The following TNRC18 variants were observed in gnomAD, a reference collection of about 807,000 sequenced individuals.
The protein encoded by TNRC18 is trinucleotide repeat-containing gene 18 protein.
TNRC18 carries 69 observed loss-of-function variants against 226.7 expected under a neutral mutation model. The ratio of observed to expected loss-of-function variants is 0.30; its 90% confidence interval spans 0.25 to 0.37. The LOEUF is 0.37. TNRC18 is among the 10% of genes least tolerant of loss of function. TNRC18 has a pLI of 1.00. For missense variants in TNRC18, 4,754 were observed against 4,256.6 expected, an observed-to-expected ratio of 1.12 and a Z score of -3.25; for synonymous variants, 2,449 against 1,927.6, an observed-to-expected ratio of 1.27 and a Z score of -7.09.
At chr7:5,367,130 T>C (rs539110465) in intron 11 of TNRC18, among the ~76,000 whole-genome samples, 2 of 152,142 alleles carry the variant, frequency 1.3e-5, no homozygotes, top group South Asian at 4.2e-4. Flanking sequence ...TTTGGGAGGC[T>C]GAGGCGGGCG....
intron 18 of TNRC18, among the ~76,000 whole-genome samples, chr7:5,338,030 G>T (rs1345942808): frequency 6.6e-6 from 1 of 152,026 alleles, no homozygotes; most frequent in African/African-American, 2.4e-5. Context: ...GTCTTTAGGG[G>T]TTGATACCAT....
intron 17 of TNRC18, among the ~76,000 whole-genome samples, chr7:5,348,297 C>A (rs753016533): frequency 2.0e-5 from 3 of 152,180 alleles, no homozygotes; most frequent in Non-Finnish European, 2.9e-5. Context: ...ATCTGCCTCA[C>A]GGACCAGAGT....
At position 5,377,538 on chromosome 7, in the gene TNRC18, G is replaced by A. The variant is rs750290851; in HGVS notation, c.2294C>T (p.Pro765Leu). Residue 765 changes from proline to leucine, a missense_variant, in exon 7 of 30, where the codon CCT becomes CTT. Coordinates refer to ENST00000430969, the MANE Select transcript of TNRC18 (RefSeq NM_001080495.3). The surrounding 1 kb of genome is among the most constrained non-coding windows in gnomAD (Gnocchi z 5.8). Reference protein sequence around the residue: ...KELADLARLHPTSCAPNGLNP... With the variant: ...KELADLARLHLTSCAPNGLNP... ...CAGGCCGTTAGGAGCACAGCTGGTA[G>A]GGTGCAGGCGGGCCAGGTCAGCCAG... 6.3e-7 allele frequency: 1 copy of A among 1,589,954 alleles called. No homozygotes were observed. Among genetic ancestry groups the A allele is most frequent in the Non-Finnish European group, 8.6e-7 (1 of 1,168,756 alleles).
chr7:5,356,466 A>C (rs1459871101), intron 16 of TNRC18, among the ~76,000 whole-genome samples: 4 of 152,256 alleles, frequency 2.6e-5, no homozygotes, highest in African/African-American at 9.6e-5. Flanking sequence ...CGTGGTCCGC[A>C]ACAGACGGCA....
chr7:5,327,175 A>T (rs1173725201), intron 19 of TNRC18, among the ~76,000 whole-genome samples: 1 of 152,198 alleles, frequency 6.6e-6, no homozygotes, highest in Non-Finnish European at 1.5e-5. Context: ...AGGCCAGGAG[A>T]GGTAGAAAAG....
intron 5 of TNRC18, among the ~76,000 whole-genome samples, chr7:5,387,076 AAAAT>A (rs775323275): frequency 3.0e-4 from 45 of 152,224 alleles, no homozygotes; most frequent in Non-Finnish European, 5.3e-4. Flanking sequence ...CTCCGTTTCA[AAAAT>A]AAATAAATAA....
chr7:5,316,421 A>T (rs1162076044), intron 24 of TNRC18, among the ~76,000 whole-genome samples: 1 of 151,906 alleles, frequency 6.6e-6, no homozygotes, highest in African/African-American at 2.4e-5. Context: ...CTGGGATTAC[A>T]GACATGCGCC....
chr7:5,314,964 T>C lies in TNRC18; in HGVS notation c.7027+20A>G, dbSNP rs1373721016. 1 of 1,599,306 alleles carries C rather than the reference T, an allele frequency of 6.3e-7. No homozygotes were observed. The highest frequency in any genetic ancestry group is 8.5e-7 in the Non-Finnish European group (1 of 1,174,402). ...AGGAGATCCGCCCACCGCCCTGCCC[T>C]GGGGACCAGGCCAACCTACCACCCT... On this transcript the variant is annotated intron_variant, in intron 26 of 29. Transcript: ENST00000430969.
chr7:5,330,700 G>A lies in TNRC18; in HGVS notation c.6147+1922C>T, dbSNP rs1439501415. On this transcript the variant is annotated intron_variant, in intron 19 of 29. Coordinates refer to ENST00000430969, the MANE Select transcript of TNRC18 (RefSeq NM_001080495.3). ...TTATTATTTTATTTTTGGAGACAGA[G>A]TCTCACTCTGTCGCCCAGGCTGGAG... Among the ~76,000 whole-genome samples the A allele has an allele frequency of 2.6e-5, 4 of 151,998 alleles. No homozygotes were observed. The East Asian group carries it at 7.8e-4, about 30-fold the overall frequency.
chr7:5,372,000 C>T (rs11974424), intron 10 of TNRC18, among the ~76,000 whole-genome samples: 6,188 of 152,194 alleles, frequency 0.041, 429 homozygotes, highest in African/African-American at 0.14. Flanking sequence ...TGGATTCCAA[C>T]GAATCTCCTG....
intron 19 of TNRC18, 62 bp downstream of exon 19, chr7:5,332,560 G>T: frequency 2.1e-6 from 3 of 1,447,614 alleles, no homozygotes; most frequent in Non-Finnish European, 2.7e-6. Flanking sequence ...AGGGGAGAGG[G>T]CCCCTCCCTC....
intron 2 of TNRC18, among the ~76,000 whole-genome samples, chr7:5,415,304 A>G (rs1584124610): frequency 6.7e-6 from 1 of 149,768 alleles, no homozygotes; most frequent in Admixed American, 6.6e-5. Context: ...GTGCTGATAC[A>G]GCCCCTCACC....
Position 5,315,113 on chromosome 7 carries a change from C to T in TNRC18, c.6898G>A (p.Ala2300Thr). ...CTGGTCTTCCGGCTGCGGCGCTTGG[C>T]ACTTGGCACCAGAAGGGCCGGGGAC... ...EPSPALLVPS[A>T]KRRSRKTSKD... Residue 2300 changes from alanine to threonine, a missense_variant, in exon 26 of 30, where the codon GCC becomes ACC. Ala to Thr is a moderately conservative substitution (Grantham distance 58). Coordinates refer to ENST00000430969, the MANE Select transcript of TNRC18 (RefSeq NM_001080495.3). The T allele has an allele frequency of 6.2e-7, 1 of 1,612,994 alleles. No individual in the cohort carries two copies.
intron 21 of TNRC18, among the ~76,000 whole-genome samples, chr7:5,323,859 C>T (rs1301768742): frequency 2.0e-5 from 3 of 152,278 alleles, no homozygotes; most frequent in African/African-American, 4.8e-5. Context: ...TGGGCCACCA[C>T]GCTCGGCCCA....
chr7:5,357,923 T>C (rs1217680576), intron 15 of TNRC18, among the ~76,000 whole-genome samples: 2 of 152,210 alleles, frequency 1.3e-5, no homozygotes. Flanking sequence ...GCTGGTGCTG[T>C]GGTTACACTG....
rs1181721569 is a variant in TNRC18, at chr7:5,359,392, A to C, written c.4833+6T>G. On this transcript the variant is annotated splice_donor_region_variant and intron_variant, in intron 15 of 29. Transcript: ENST00000430969. ...TCTCACACACCTGGAAGACTGGGTT[A>C]CTCACCTGACTGATGAAGTCCGACG... 6.2e-7 allele frequency: 1 copy of C among 1,613,762 alleles called. No homozygotes were observed. The highest frequency in any genetic ancestry group is 1.3e-5 in the African/African-American group (1 of 74,876).
chr7:5,407,227 G>A (rs928909216), intron 2 of TNRC18: 2 of 152,470 alleles, frequency 1.3e-5, no homozygotes, highest in East Asian at 1.9e-4. Context: ...CATCGGCGCA[G>A]AAAAGAGGCA....
chr7:5,353,977 C>A (rs192995283), intron 16 of TNRC18, among the ~76,000 whole-genome samples: 2 of 151,982 alleles, frequency 1.3e-5, no homozygotes, highest in African/African-American at 2.4e-5. Flanking sequence ...CCGAGGCAGG[C>A]GGATCACCTG....
intron 2 of TNRC18, among the ~76,000 whole-genome samples, chr7:5,411,931 T>C (rs1781868832): frequency 6.6e-6 from 1 of 152,040 alleles, no homozygotes; most frequent in African/African-American, 2.4e-5. Flanking sequence ...ACACCTATAA[T>C]CTCAGCACTT....
Sources: allele counts gnomAD v4.1 joint callset (sites outside exome capture counted in the v4.1 genomes callset), GRCh38; gene constraint gnomAD v4.1.1; non-coding constraint Gnocchi (gnomAD v3.1); transcripts MANE v1.5; gene names NCBI Gene and HGNC (gene_info 2026-07-23, HGNC 2026-07-21).